SORCS3: variants seen among roughly 807,000 people sequenced by gnomAD.
SORCS3 encodes the protein sortilin related VPS10 domain containing receptor 3, also known as VPS10 domain-containing receptor SorCS3.
SORCS3 carries 57 observed loss-of-function variants against 146.3 expected under a neutral mutation model. The observed-to-expected ratio is 0.39, with a 90% CI of 0.31 to 0.49. The LOEUF is 0.49. Ranked by LOEUF, SORCS3 falls within the 20% of genes least tolerant of loss-of-function variation. The pLI, the probability that SORCS3 is intolerant of heterozygous loss-of-function variation, is 0.92. For synonymous variants in SORCS3, 653 were observed against 618.5 expected, an observed-to-expected ratio of 1.06 and a Z score of -0.83; for missense variants, 1,341 against 1,575.5, an observed-to-expected ratio of 0.85 and a Z score of 2.52.
chr10:104,825,259 A>C (rs1244359784), intron 1 of SORCS3, among the ~76,000 whole-genome samples: 1 of 152,120 alleles, frequency 6.6e-6, no homozygotes. Flanking sequence ...GCAGTACAAT[A>C]CCCTTTAGCT....
chr10:104,950,367 G>A (rs532755314), intron 3 of SORCS3, among the ~76,000 whole-genome samples: 18 of 152,230 alleles, frequency 1.2e-4, no homozygotes, highest in African/African-American at 2.9e-4. Flanking sequence ...TGATGTGACC[G>A]TATAATCTAG....
chr10:104,878,952 G>A (rs968721372), intron 2 of SORCS3, among the ~76,000 whole-genome samples: 1 of 152,150 alleles, frequency 6.6e-6, no homozygotes, highest in Non-Finnish European at 1.5e-5. Flanking sequence ...GGAACCTCTG[G>A]TAAGCCCCAG....
intron 23 of SORCS3, 87 bp downstream of exon 23, chr10:105,252,993 C>A: frequency 6.7e-7 from 1 of 1,489,082 alleles, no homozygotes; most frequent in Non-Finnish European, 9.1e-7. Flanking sequence ...GAAAGGGAGA[C>A]AGGCTCTCTT....
chr10:104,808,260 C>G (rs1226068042), intron 1 of SORCS3, among the ~76,000 whole-genome samples: 2 of 152,102 alleles, frequency 1.3e-5, no homozygotes, highest in African/African-American at 4.8e-5. Context: ...TATCCATTTA[C>G]CAAGGATTTA....
intron 5 of SORCS3, among the ~76,000 whole-genome samples, chr10:105,082,084 C>T (rs930088871): frequency 2.6e-5 from 4 of 152,182 alleles, no homozygotes; most frequent in African/African-American, 9.7e-5. Context: ...GATACACTAT[C>T]CAGTGAAAGC....
intron 2 of SORCS3, among the ~76,000 whole-genome samples, chr10:104,915,036 G>A (rs1415135703): frequency 1.3e-5 from 2 of 152,104 alleles, no homozygotes; most frequent in African/African-American, 2.4e-5. Flanking sequence ...GAACAGTATG[G>A]CAGGGAGGTC....
rs141253347 is a variant in SORCS3 at position 104,921,076 on chromosome 10, G to C, written c.795+5144G>C. On this transcript the variant is annotated intron_variant, in intron 3 of 26. Coordinates refer to ENST00000369701, the MANE Select transcript of SORCS3 (RefSeq NM_014978.3). ...AAGAGAGTGTATGGTTTGCCTCCCA[G>C]AGGAGTGGCTCCATTATGGTGGGGC... Among the ~76,000 whole-genome samples the C allele has an allele frequency of 2.9e-3, 449 of 152,322 alleles. 2 individuals are homozygous for C. Among genetic ancestry groups the C allele is most frequent in the South Asian group, 0.019 (90 of 4,828 alleles).
At chr10:104,791,831 A>C (rs543110722) in intron 1 of SORCS3, among the ~76,000 whole-genome samples, 1 of 152,196 alleles carries the variant, frequency 6.6e-6, no homozygotes, top group Non-Finnish European at 1.5e-5. Context: ...TTCTCCATTC[A>C]TAAGCAGATT....
rs182654152 is a variant in SORCS3 at position 105,234,790 on chromosome 10, A to G, written c.2869-10752A>G. Among the ~76,000 whole-genome samples, 10 of 152,040 alleles carry G rather than the reference A, an allele frequency of 6.6e-5. No homozygotes were observed. The East Asian group carries it at 1.9e-3, about 29-fold the overall frequency. On this transcript the variant is annotated intron_variant, in intron 20 of 26. Coordinates refer to ENST00000369701, the MANE Select transcript of SORCS3 (RefSeq NM_014978.3). ...GCATGCTGTCTACCTTATCCATGAA[A>G]TCTTTTAGCACATTAATTAAATTTG... is the stretch of plus-strand genomic sequence containing the variant.
intron 6 of SORCS3, among the ~76,000 whole-genome samples, chr10:105,095,330 G>A (rs867287140): frequency 9.2e-5 from 14 of 152,286 alleles, no homozygotes; most frequent in Admixed American, 2.6e-4. Context: ...GACAAGTGGT[G>A]GAGGAGCAGA....
chr10:105,018,368 AT>A (rs1206159898), intron 4 of SORCS3, among the ~76,000 whole-genome samples: 1 of 152,086 alleles, frequency 6.6e-6, no homozygotes, highest in African/African-American at 2.4e-5. Context: ...CCCTAAACTA[AT>A]GGCCAAGGCC....
chr10:105,090,604 CA>C (rs1279275993), intron 6 of SORCS3, among the ~76,000 whole-genome samples: 1 of 152,042 alleles, frequency 6.6e-6, no homozygotes, highest in Non-Finnish European at 1.5e-5. Context: ...AGAACAGAGC[CA>C]AATAATCTAC....
In SORCS3 at chr10:104,641,481, C is replaced by G; in HGVS notation, c.154C>G (p.Arg52Gly). ...CGGACGCCCGGCGGCCCCGGCTTCG[C>G]GGCCACCGGCGTTGTCTCCACTCTC... Reference protein sequence around the residue: ...GPGRPAAPASRPPALSPLSPR... With the variant: ...GPGRPAAPASGPPALSPLSPR... Residue 52 changes from arginine (R) to glycine (G), a missense_variant, in exon 1 of 27, where the codon CGG (arginine) becomes GGG (glycine). Transcript: ENST00000369701. The surrounding 1 kb of genome is among the most constrained non-coding windows in gnomAD (Gnocchi z 6.4). 1 of 1,466,780 alleles carries G rather than the reference C, an allele frequency of 6.8e-7. No homozygotes were observed. The highest frequency in any genetic ancestry group is 9.0e-7 in the Non-Finnish European group (1 of 1,116,760). The allele number at this position is 1,466,780 out of a possible 1,614,324, so 90.9% of individuals were successfully genotyped here.
chr10:105,041,252 T>C (rs1194308758), intron 4 of SORCS3, among the ~76,000 whole-genome samples: 2 of 149,052 alleles, frequency 1.3e-5, no homozygotes, highest in Admixed American at 6.7e-5. Context: ...CATAGACCAA[T>C]TGGGATCTGT....
chr10:104,748,968 G>A (rs536346682), intron 1 of SORCS3, among the ~76,000 whole-genome samples: 1 of 152,310 alleles, frequency 6.6e-6, no homozygotes, highest in African/African-American at 2.4e-5. Flanking sequence ...GTGGTCAGGT[G>A]TCCACCATTA....
intron 2 of SORCS3, among the ~76,000 whole-genome samples, chr10:104,886,093 G>T (rs188447464): frequency 6.6e-6 from 1 of 152,282 alleles, no homozygotes; most frequent in East Asian, 1.9e-4. Context: ...AGCTGCAGGA[G>T]GATTAGAATT....
chr10:104,790,239 G>A (rs559660051), intron 1 of SORCS3, among the ~76,000 whole-genome samples: 1 of 152,264 alleles, frequency 6.6e-6, no homozygotes, highest in East Asian at 1.9e-4. Flanking sequence ...AGCCAGAAGC[G>A]CATTAACTTA....
intron 3 of SORCS3, among the ~76,000 whole-genome samples, chr10:104,963,385 C>A (rs936171323): frequency 6.6e-6 from 1 of 152,154 alleles, no homozygotes; most frequent in East Asian, 1.9e-4. Flanking sequence ...CTCTTTATAC[C>A]TGACCATCAG....
At chr10:104,892,826 G>T (rs1315489140) in intron 2 of SORCS3, among the ~76,000 whole-genome samples, 1 of 152,140 alleles carries the variant, frequency 6.6e-6, no homozygotes, top group South Asian at 2.1e-4. Flanking sequence ...AAACTAGGAG[G>T]CTGTAACACA....
Sources: allele counts gnomAD v4.1 joint callset (sites outside exome capture counted in the v4.1 genomes callset), GRCh38; gene constraint gnomAD v4.1.1; non-coding constraint Gnocchi (gnomAD v3.1); transcripts MANE v1.5; gene names NCBI Gene and HGNC (gene_info 2026-07-23, HGNC 2026-07-21).